Variants in CPNE4 observed in about 807,000 individuals in gnomAD.
CPNE4 encodes the protein copine 4.
Under a neutral mutation model 67.9 loss-of-function variants are expected in CPNE4, and 25 were observed. The observed-to-expected ratio is 0.37, with a 90% CI of 0.27 to 0.51. The LOEUF is 0.51. Among genes scored for constraint, CPNE4 ranks in the 20% least tolerant of loss-of-function variants. CPNE4 has a pLI of 0.93. For missense variants in CPNE4, 464 were observed against 690.8 expected (o/e 0.67, Z 3.68); for synonymous variants, 242 against 244.9 (o/e 0.99, Z 0.11).
intron 1 of CPNE4, among the ~76,000 whole-genome samples, chr3:131,998,571 C>T (rs2073352938): frequency 1.3e-5 from 2 of 152,104 alleles, no homozygotes; most frequent in African/African-American, 2.4e-5. Context: ...GGATTAACTG[C>T]CTTCACATGA....
intron 14 of CPNE4, 113 bp from the exon 15 acceptor site, chr3:131,542,906 C>T: frequency 1.5e-6 from 1 of 687,550 alleles, no homozygotes; most frequent in Non-Finnish European, 2.6e-6. Context: ...ACCAAAGCAA[C>T]AGTGATGACA....
At chr3:131,860,310 T>C (rs2086623475) in intron 2 of CPNE4, among the ~76,000 whole-genome samples, 1 of 152,186 alleles carries the variant, frequency 6.6e-6, no homozygotes, top group Non-Finnish European at 1.5e-5. Flanking sequence ...ACGGTACATA[T>C]ATTAATTGAG....
intron 2 of CPNE4, among the ~76,000 whole-genome samples, chr3:131,801,446 GTGTGTGTA>G (rs1386984083): frequency 3.6e-3 from 303 of 85,194 alleles, no homozygotes; most frequent in African/African-American, 6.4e-3. Context: ...GTGTGTGTGT[GTGTGTGTA>G]TATATATATA....
At chr3:131,798,674 G>A (rs1267826616) in intron 2 of CPNE4, among the ~76,000 whole-genome samples, 1 of 152,114 alleles carries the variant, frequency 6.6e-6, no homozygotes, top group East Asian at 1.9e-4. Flanking sequence ...GAAAGGAAGT[G>A]TTTCAACCTT....
rs1560138741 is a variant in CPNE4, at chr3:131,699,906, T to A, written c.432+3A>T. ...GACAGCTGCTTAGGGAGTGCCTGCTTACCGTGATGGAAGATTTCCCTGCTG... is the reference window on the plus strand; with the variant it reads ...GACAGCTGCTTAGGGAGTGCCTGCTAACCGTGATGGAAGATTTCCCTGCTG... On this transcript the variant is annotated splice_donor_region_variant and intron_variant, in intron 4 of 15. Transcript: ENST00000429747. The A allele has an allele frequency of 1.2e-6, 2 of 1,613,022 alleles. No individual in the cohort carries two copies. Among genetic ancestry groups the A allele is most frequent in the East Asian group, 4.5e-5 (2 of 44,862 alleles).
At chr3:131,625,030 C>A (rs2079039588) in intron 7 of CPNE4, among the ~76,000 whole-genome samples, 1 of 152,196 alleles carries the variant, frequency 6.6e-6, no homozygotes. Flanking sequence ...GCTATTCCAT[C>A]CATCTAGGTT....
At chr3:131,980,892 TTGTA>T (rs1334474250) in intron 1 of CPNE4, among the ~76,000 whole-genome samples, 1 of 152,146 alleles carries the variant, frequency 6.6e-6, no homozygotes, top group African/African-American at 2.4e-5. Context: ...TGTTCCCTTG[TTGTA>T]GTACTCTCCC....
At chr3:131,964,079 A>G (rs916968621) in intron 1 of CPNE4, among the ~76,000 whole-genome samples, 1 of 152,154 alleles carries the variant, frequency 6.6e-6, no homozygotes, top group African/African-American at 2.4e-5. Flanking sequence ...TACCCAGGCA[A>G]ACAGGGTCTG....
chr3:131,559,992 A>T (rs1936674722), intron 11 of CPNE4, among the ~76,000 whole-genome samples: 1 of 152,028 alleles, frequency 6.6e-6, no homozygotes, highest in Non-Finnish European at 1.5e-5. Flanking sequence ...ACATTTTAAT[A>T]TTTTTTTTAA....
At chr3:131,835,853 C>T (rs952718085) in intron 2 of CPNE4, among the ~76,000 whole-genome samples, 22 of 152,136 alleles carry the variant, frequency 1.4e-4, no homozygotes, top group Non-Finnish European at 2.9e-4. Context: ...TAGAGTGGAG[C>T]TCTGTAGAAC....
At chr3:131,978,900 G>C (rs1354517655) in intron 1 of CPNE4, among the ~76,000 whole-genome samples, 1 of 151,710 alleles carries the variant, frequency 6.6e-6, no homozygotes, top group African/African-American at 2.4e-5. Flanking sequence ...CATTATTGTT[G>C]TTCAGTTTGA....
chr3:131,792,925 G>GTGCGTGTGTATATCTATA lies in CPNE4; in HGVS notation c.181-69301_181-69300insTATAGATATACACACGCA, dbSNP rs58502463. On this transcript the variant is annotated intron_variant, in intron 2 of 15. Transcript: ENST00000429747. ...TGTGTGTGTGTGTGTGTGTGTGTGT[G>GTGCGTGTGTATATCTATA]TATCTCCAACAAAACATGCCAAAAC... Among the ~76,000 whole-genome samples the GTGCGTGTGTATATCTATA allele has an allele frequency of 6.2e-3, 837 of 135,234 alleles. 17 individuals carry two copies. The highest frequency in any genetic ancestry group is 0.022 in the African/African-American group (766 of 34,994). 88.7% of individuals were successfully genotyped at this position (135,234 alleles called of 152,430 possible).
In CPNE4 at chr3:131,864,314, G is replaced by A. The variant is rs1400060895; in HGVS notation, c.180+40950C>T. Among the ~76,000 whole-genome samples, 7 of 151,990 alleles carry A rather than the reference G, an allele frequency of 4.6e-5. No individual in the cohort carries two copies. In the East Asian group the frequency reaches 7.7e-4, roughly 17 times the overall value. ...CCTTAGGCAGTATGGCCATTTTCAC[G>A]ATATTGATTCTTCCTACCCATGATC... On this transcript the variant is annotated intron_variant, in intron 2 of 15. Coordinates refer to ENST00000429747, the MANE Select transcript of CPNE4 (RefSeq NM_130808.3).
At chr3:131,893,648 A>T (rs2088206307) in intron 2 of CPNE4, among the ~76,000 whole-genome samples, 1 of 152,002 alleles carries the variant, frequency 6.6e-6, no homozygotes, top group African/African-American at 2.4e-5. Context: ...AAAACTAGAA[A>T]CCAACAAGAA....
chr3:132,030,577 C>T (rs552351952), intron 1 of CPNE4, among the ~76,000 whole-genome samples: 1 of 152,324 alleles, frequency 6.6e-6, no homozygotes, highest in South Asian at 2.1e-4. Context: ...ATCCTTATCA[C>T]TTTCTTATTT....
At chr3:131,751,919 G>T (rs942909946) in intron 2 of CPNE4, among the ~76,000 whole-genome samples, 1 of 152,000 alleles carries the variant, frequency 6.6e-6, no homozygotes, top group Admixed American at 6.6e-5. Flanking sequence ...CCTTATTACT[G>T]CTGGGCAGGA....
intron 2 of CPNE4, among the ~76,000 whole-genome samples, chr3:131,872,279 G>C (rs573274868): frequency 2.2e-4 from 33 of 152,206 alleles, no homozygotes; most frequent in Non-Finnish European, 4.1e-4. Context: ...TATGGAGACT[G>C]GCAGTTCACA....
intron 2 of CPNE4, among the ~76,000 whole-genome samples, chr3:131,842,746 A>AAG (rs1553784370): frequency 1.0e-3 from 156 of 149,792 alleles, no homozygotes; most frequent in Middle Eastern, 3.5e-3. Context: ...AAAAAAAAAA[A>AAG]AAAGAAAAAG....
intron 3 of CPNE4, among the ~76,000 whole-genome samples, chr3:131,720,963 G>A (rs1461465121): frequency 6.6e-6 from 1 of 152,098 alleles, no homozygotes; most frequent in Non-Finnish European, 1.5e-5. Context: ...CTCACCTGAT[G>A]CACTCTCACT....
Sources: gnomAD v4.1 joint callset for allele counts (sites outside exome capture counted in the v4.1 genomes callset) on GRCh38, gnomAD v4.1.1 for gene constraint, MANE v1.5 for transcripts, NCBI Gene and HGNC (gene_info 2026-07-23, HGNC 2026-07-21) for gene names.